Variants in GALNT2 observed in about 807,000 individuals in gnomAD.
The protein encoded by GALNT2 is polypeptide N-acetylgalactosaminyltransferase 2.
GALNT2 carries 31 observed loss-of-function variants against 81.4 expected under a neutral mutation model. The observed-to-expected ratio is 0.38, with a 90% CI of 0.29 to 0.51. GALNT2 has a LOEUF of 0.51. Ranked by LOEUF, GALNT2 falls within the 20% of genes least tolerant of loss-of-function variation. The probability of loss-of-function intolerance (pLI) is 0.87; values close to 1 mark genes in which losing one functional copy is unlikely to be tolerated. For missense variants in GALNT2, 629 were observed against 765.7 expected (o/e 0.82, Z 2.11); for synonymous variants, 303 against 287.4 (o/e 1.05, Z -0.55).
chr1:230,207,827 C>G (rs538197622), intron 3 of GALNT2, among the ~76,000 whole-genome samples: 1 of 152,162 alleles, frequency 6.6e-6, no homozygotes, highest in African/African-American at 2.4e-5. Flanking sequence ...GCAATTCTCC[C>G]GCCTTGGCCT....
chr1:230,120,194 G>A (rs1473881279), intron 1 of GALNT2, among the ~76,000 whole-genome samples: 2 of 152,154 alleles, frequency 1.3e-5, no homozygotes, highest in East Asian at 3.8e-4. Flanking sequence ...CGGTGTTAAA[G>A]GCTACACCTG....
intron 1 of GALNT2, among the ~76,000 whole-genome samples, chr1:230,105,602 CA>C (rs571076398): frequency 9.2e-5 from 14 of 152,270 alleles, no homozygotes; most frequent in Non-Finnish European, 1.6e-4. Context: ...CTCTGTGTCC[CA>C]CCTTCTTCCT....
At chr1:230,154,686 A>G (rs938068874) in intron 1 of GALNT2, among the ~76,000 whole-genome samples, 1 of 152,202 alleles carries the variant, frequency 6.6e-6, no homozygotes, top group Non-Finnish European at 1.5e-5. Flanking sequence ...AAGAGAATAG[A>G]CAACAGGCAC....
intron 1 of GALNT2, among the ~76,000 whole-genome samples, chr1:230,176,029 G>A (rs1662969538): frequency 6.6e-6 from 1 of 152,132 alleles, no homozygotes; most frequent in Non-Finnish European, 1.5e-5. Context: ...ACAATGCTTG[G>A]CGCATAGTAG....
At chr1:230,187,346 G>C (rs1663368110) in intron 2 of GALNT2, among the ~76,000 whole-genome samples, 2 of 152,240 alleles carry the variant, frequency 1.3e-5, no homozygotes, top group African/African-American at 2.4e-5. Context: ...TAAATGAAAT[G>C]GGATAGTTCC....
intron 1 of GALNT2, among the ~76,000 whole-genome samples, chr1:230,080,506 C>T (rs1440364107): frequency 6.6e-6 from 1 of 152,128 alleles, no homozygotes; most frequent in Non-Finnish European, 1.5e-5. Context: ...GCCAGGGTGA[C>T]TCTGTAAATC....
intron 1 of GALNT2, among the ~76,000 whole-genome samples, chr1:230,143,340 AGTT>A (rs1661808849): frequency 1.3e-5 from 2 of 152,362 alleles, no homozygotes; most frequent in East Asian, 3.9e-4. Flanking sequence ...AGAGATGTCC[AGTT>A]GTTTGCAGCA....
chr1:230,188,994 G>A (rs1663432084), intron 2 of GALNT2, among the ~76,000 whole-genome samples: 1 of 152,100 alleles, frequency 6.6e-6, no homozygotes, highest in African/African-American at 2.4e-5. Context: ...AAGAGGAGCA[G>A]GGGCCAGTAG....
rs184966806 is a variant in GALNT2, at chr1:230,133,647, G to A, written c.127-44571G>A. Among the ~76,000 whole-genome samples, 732 of 152,158 alleles carry A rather than the reference G, an allele frequency of 4.8e-3. 6 individuals are homozygous for A. Among genetic ancestry groups the A allele is most frequent in the Middle Eastern group, 6.8e-3 (2 of 294 alleles). Reference sequence around the variant, plus strand: ...TTTTTGTGTTTTTGGTAGAGATGAGGTTTCTCCATGTTGGCCAGGCTGGTC... The same window carrying A: ...TTTTTGTGTTTTTGGTAGAGATGAGATTTCTCCATGTTGGCCAGGCTGGTC... On this transcript the variant is annotated intron_variant, in intron 1 of 15. Transcript: ENST00000366672.
At chr1:230,208,941 G>A (rs746464334) in intron 3 of GALNT2, among the ~76,000 whole-genome samples, 5 of 151,872 alleles carry the variant, frequency 3.3e-5, no homozygotes, top group South Asian at 2.1e-4. Flanking sequence ...CACATATTTC[G>A]TATAGCCCAG....
intron 1 of GALNT2, among the ~76,000 whole-genome samples, chr1:230,153,028 G>A (rs1377705798): frequency 1.3e-5 from 2 of 152,186 alleles, no homozygotes; most frequent in Non-Finnish European, 2.9e-5. Flanking sequence ...TGGCTAAACT[G>A]CGTTCAGTCC....
chr1:230,190,693 A>G (rs567853606), intron 2 of GALNT2, among the ~76,000 whole-genome samples: 62 of 152,182 alleles, frequency 4.1e-4, no homozygotes, highest in African/African-American at 1.4e-3. Flanking sequence ...GTTCCCTACC[A>G]TCTGCTTACA....
chr1:230,094,032 C>T (rs1418012004), intron 1 of GALNT2, among the ~76,000 whole-genome samples: 1 of 152,106 alleles, frequency 6.6e-6, no homozygotes, highest in East Asian at 1.9e-4. Flanking sequence ...GATAGGGTCT[C>T]GCTCTGTTGC....
chr1:230,230,302 G>A (rs1664831564), intron 3 of GALNT2, among the ~76,000 whole-genome samples: 2 of 152,000 alleles, frequency 1.3e-5, no homozygotes, highest in Non-Finnish European at 2.9e-5. Context: ...TTTACAAATC[G>A]AATGTATCCA....
chr1:230,203,048 A>T, intron 2 of GALNT2, 89 bp from the exon 3 acceptor site: 2 of 1,397,856 alleles, frequency 1.4e-6, no homozygotes, highest in Non-Finnish European at 9.8e-7. Flanking sequence ...CATGGATGTG[A>T]TTTCTGGAGT....
rs575337701 is a variant in GALNT2, at chr1:230,143,384, C to T, written c.127-34834C>T. ...TAGGAATGAAATGCAGAACTGGAGA[C>T]ATTCGAGAGCAGAAGAGCAGAAGCA... is the stretch of plus-strand genomic sequence containing the variant. On this transcript the variant is annotated intron_variant, in intron 1 of 15. Coordinates refer to ENST00000366672, the MANE Select transcript of GALNT2 (RefSeq NM_004481.5). Among the ~76,000 whole-genome samples the T allele has an allele frequency of 7.9e-5, 12 of 152,334 alleles. No homozygotes were observed. The East Asian group carries it at 2.3e-3, about 29-fold the overall frequency.
chr1:230,265,734 G>A (rs951735157), intron 14 of GALNT2, among the ~76,000 whole-genome samples: 3 of 152,324 alleles, frequency 2.0e-5, no homozygotes, highest in Non-Finnish European at 4.4e-5. Flanking sequence ...AGAATATGAT[G>A]TCTACACCTC....
At chr1:230,272,082 C>T (rs1051212380) in intron 14 of GALNT2, among the ~76,000 whole-genome samples, 2 of 152,172 alleles carry the variant, frequency 1.3e-5, no homozygotes, top group African/African-American at 4.8e-5. Context: ...GAAAGATGCT[C>T]CTAAAACCCC....
chr1:230,202,297 T>C (rs1663915898), intron 2 of GALNT2, among the ~76,000 whole-genome samples: 2 of 152,312 alleles, frequency 1.3e-5, no homozygotes, highest in South Asian at 2.1e-4. Context: ...GCTCTGCCTT[T>C]ATTACACCTG....
Sources: gnomAD v4.1 joint callset for allele counts (sites outside exome capture counted in the v4.1 genomes callset) on GRCh38, gnomAD v4.1.1 for gene constraint, MANE v1.5 for transcripts, NCBI Gene and HGNC (gene_info 2026-07-23, HGNC 2026-07-21) for gene names.